TWIST2: variants seen among roughly 807,000 people sequenced by gnomAD.
TWIST2 encodes the protein twist family bHLH transcription factor 2.
Under a neutral mutation model 11.6 loss-of-function variants are expected in TWIST2, and 1 was observed. The observed-to-expected ratio is 0.09, with a 90% CI of 0.03 to 0.41. The LOEUF is 0.41. Among genes scored for constraint, TWIST2 ranks in the 10% least tolerant of loss-of-function variants. The probability of loss-of-function intolerance (pLI) is 0.98; values close to 1 mark genes in which losing one functional copy is unlikely to be tolerated. For missense variants in TWIST2, 168 were observed against 226.4 expected, an observed-to-expected ratio of 0.74 and a Z score of 1.66; for synonymous variants, 87 against 96.6, an observed-to-expected ratio of 0.90 and a Z score of 0.58.
At chr2:238,896,843 G>A (rs963949722) in intron 1 of TWIST2, among the ~76,000 whole-genome samples, 1 of 152,202 alleles carries the variant, frequency 6.6e-6, no homozygotes, top group Non-Finnish European at 1.5e-5. Context: ...TCACCAGCCT[G>A]CTGAGAATCA....
intron 1 of TWIST2, among the ~76,000 whole-genome samples, chr2:238,878,842 T>C (rs967152847): frequency 6.6e-6 from 1 of 152,210 alleles, no homozygotes; most frequent in Non-Finnish European, 1.5e-5. Flanking sequence ...CAGTGTGTTC[T>C]CTCTTTATAG....
intron 1 of TWIST2, among the ~76,000 whole-genome samples, chr2:238,879,122 C>T (rs1692859512): frequency 6.6e-6 from 1 of 152,236 alleles, no homozygotes; most frequent in Admixed American, 6.5e-5. Context: ...TGGGCGGACA[C>T]ACAGCCTTCC....
intron 1 of TWIST2, among the ~76,000 whole-genome samples, chr2:238,872,285 A>C (rs1443513209): frequency 6.6e-6 from 1 of 152,152 alleles, no homozygotes; most frequent in Non-Finnish European, 1.5e-5. Flanking sequence ...TGGGCTGGAC[A>C]CTGGGCTGAG....
chr2:238,852,208 A>G (rs975536351), intron 1 of TWIST2, among the ~76,000 whole-genome samples: 9 of 152,238 alleles, frequency 5.9e-5, no homozygotes, highest in African/African-American at 1.9e-4. Context: ...TCATAACTTT[A>G]GTTTAAATCT....
rs376708742 is a variant in TWIST2 at position 238,865,690 on chromosome 2, C to CTTTT, written c.*35+16968_*35+16971dup. ...AGCTGTGCCATCTGGTCTTTTGGAA[C>CTTTT]TTTTTTTTTTTTTTGCTGTGGCATT... is the stretch of plus-strand genomic sequence containing the variant. On this transcript the variant is annotated intron_variant, in intron 1 of 1. Transcript: ENST00000612363. Among the ~76,000 whole-genome samples the CTTTT allele has an allele frequency of 2.3e-3, 342 of 147,046 alleles. 2 individuals are homozygous for CTTTT. Among genetic ancestry groups the CTTTT allele is most frequent in the African/African-American group, 7.8e-3 (312 of 40,066 alleles).
At chr2:238,871,164 C>T (rs1559274767) in intron 1 of TWIST2, among the ~76,000 whole-genome samples, 1 of 2,512 alleles carries the variant, frequency 4.0e-4, no homozygotes. Flanking sequence ...CCACACACCC[C>T]ACACACACAC....
chr2:238,851,919 A>G lies in TWIST2; in HGVS notation c.*35+3186A>G, dbSNP rs191451757. 2.7e-5 allele frequency among the ~76,000 whole-genome samples: 4 copies of G among 149,478 alleles called. No individual in the cohort carries two copies. In the East Asian group the frequency reaches 8.0e-4, roughly 30 times the overall value. The stretch of plus-strand genomic sequence containing the variant: ...ATATCAGCAGTCCTTTCGGCCTTGC[A>G]TCAGGGAAGTCTTGCTACTCATCTT... On this transcript the variant is annotated intron_variant, in intron 1 of 1. Coordinates refer to ENST00000612363, the MANE Select transcript of TWIST2 (RefSeq NM_001271893.4).
chr2:238,890,541 C>T (rs1376784405), intron 1 of TWIST2, among the ~76,000 whole-genome samples: 1 of 152,094 alleles, frequency 6.6e-6, no homozygotes, highest in Non-Finnish European at 1.5e-5. Flanking sequence ...CATGTGTGGC[C>T]AACTCTCATT....
chr2:238,891,761 C>G (rs1210720608), intron 1 of TWIST2, among the ~76,000 whole-genome samples: 1 of 152,190 alleles, frequency 6.6e-6, no homozygotes, highest in Non-Finnish European at 1.5e-5. Context: ...ATTTTCCAGG[C>G]TTGAGTCCAA....
chr2:238,865,485 C>G (rs916218077), intron 1 of TWIST2, among the ~76,000 whole-genome samples: 3 of 152,168 alleles, frequency 2.0e-5, no homozygotes, highest in Non-Finnish European at 4.4e-5. Flanking sequence ...CTGAGGCGCT[C>G]GTGTCAGGAT....
At chr2:238,888,544 T>C (rs562380830) in intron 1 of TWIST2, among the ~76,000 whole-genome samples, 1 of 152,324 alleles carries the variant, frequency 6.6e-6, no homozygotes, top group South Asian at 2.1e-4. Context: ...TCATGGGGTC[T>C]GTATTAGAAA....
At position 238,870,151 on chromosome 2, in the gene TWIST2, C is replaced by CCA. The variant is rs1339201836; in HGVS notation, c.*35+21422_*35+21423dup. ...ACACACACACCACACCCCATACACA[C>CCA]CACACCCCACACACACCACACACCC... On this transcript the variant is annotated intron_variant, in intron 1 of 1. Transcript: ENST00000612363. Among the ~76,000 whole-genome samples the CCA allele has an allele frequency of 1.0e-3, 37 of 35,788 alleles. 1 individual carries two copies. The highest frequency in any genetic ancestry group is 2.7e-3 in the African/African-American group (22 of 8,276). 23.5% of individuals were successfully genotyped at this position (35,788 alleles called of 152,430 possible).
chr2:238,862,444 G>A (rs975131665), intron 1 of TWIST2, among the ~76,000 whole-genome samples: 1 of 152,158 alleles, frequency 6.6e-6, no homozygotes, highest in African/African-American at 2.4e-5. Flanking sequence ...AATTCAGTTG[G>A]TCAATAAACG....
Position 238,880,665 on chromosome 2 carries a change from ATTAGTG to A in TWIST2, c.*36-29169_*36-29164del, listed in dbSNP as rs1418502488. ...TCTTAGTGTTAGTGTCAGTATTAGT[ATTAGTG>A]TTAGTGTCAGTATTAGTGTATTTAT... On this transcript the variant is annotated intron_variant, in intron 1 of 1. Coordinates refer to ENST00000612363, the MANE Select transcript of TWIST2 (RefSeq NM_001271893.4). 3.3e-5 allele frequency among the ~76,000 whole-genome samples: 3 copies of A among 91,398 alleles called. 1 individual carries two copies. The highest frequency in any genetic ancestry group is 4.6e-5 in the African/African-American group (1 of 21,604). 60.0% of individuals were successfully genotyped at this position (91,398 alleles called of 152,430 possible).
intron 1 of TWIST2, among the ~76,000 whole-genome samples, chr2:238,907,842 ACCC>A (rs1379454186): frequency 1.4e-5 from 2 of 144,288 alleles, no homozygotes; most frequent in East Asian, 2.1e-4. Context: ...CTACACACAC[ACCC>A]CCACACTGTA....
At chr2:238,858,253 C>T (rs1559268389) in intron 1 of TWIST2, among the ~76,000 whole-genome samples, 2 of 152,174 alleles carry the variant, frequency 1.3e-5, no homozygotes, top group Non-Finnish European at 1.5e-5. Context: ...AATGTGAAAC[C>T]ATAATTAACT....
At chr2:238,873,610 C>G (rs891497215) in intron 1 of TWIST2, among the ~76,000 whole-genome samples, 1 of 152,112 alleles carries the variant, frequency 6.6e-6, no homozygotes, top group Non-Finnish European at 1.5e-5. Context: ...AGGTGCACAC[C>G]GTGCACAAGG....
At chr2:238,865,481 C>T (rs530670587) in intron 1 of TWIST2, among the ~76,000 whole-genome samples, 18 of 152,298 alleles carry the variant, frequency 1.2e-4, no homozygotes, top group Non-Finnish European at 5.9e-5. Flanking sequence ...AGGCCTGAGG[C>T]GCTCGTGTCA....
intron 1 of TWIST2, among the ~76,000 whole-genome samples, chr2:238,871,616 A>G (rs1475729985): frequency 9.0e-6 from 1 of 111,696 alleles, no homozygotes; most frequent in Admixed American, 9.2e-5. Flanking sequence ...CCACTCACAC[A>G]CATCACACCC....
Sources: allele counts gnomAD v4.1 joint callset (sites outside exome capture counted in the v4.1 genomes callset), GRCh38; gene constraint gnomAD v4.1.1; transcripts MANE v1.5; gene names NCBI Gene and HGNC (gene_info 2026-07-23, HGNC 2026-07-21).